The following VIPR2 variants were observed in gnomAD, a reference collection of about 807,000 sequenced individuals.
VIPR2 encodes vasoactive intestinal polypeptide receptor 2.
VIPR2 carries 48 observed loss-of-function variants against 58.0 expected under a neutral mutation model. The ratio of observed to expected loss-of-function variants is 0.83; its 90% CI spans 0.66 to 1.05. The LOEUF is 1.05. VIPR2 is among the 50% of genes least tolerant of loss of function. The pLI is 0.00. For missense variants in VIPR2, 534 were observed against 558.0 expected (o/e 0.96, Z 0.43); for synonymous variants, 243 against 235.2 (o/e 1.03, Z -0.30).
At chr7:159,071,191 GCA>G (rs1856370293) in intron 4 of VIPR2, among the ~76,000 whole-genome samples, 1 of 152,194 alleles carries the variant, frequency 6.6e-6, no homozygotes, top group African/African-American at 2.4e-5. Context: ...GAGGAACTGT[GCA>G]CACTTTTCCA....
In VIPR2 at chr7:159,029,750, G is replaced by C. The variant is rs534957239; in HGVS notation, c.*866C>G. 1 of 152,498 alleles carries C rather than the reference G, an allele frequency of 6.6e-6. No individual in the cohort carries two copies. The highest frequency in any genetic ancestry group is 2.1e-4 in the South Asian group (1 of 4,834). 9.4% of individuals were successfully genotyped at this position (152,498 alleles called of 1,614,324 possible). ...CCCTCCTTCATGACCTTGCTCTCCT[G>C]ATCTGGTTGTCTCCTCAGCCCGCCT... On this transcript the variant is annotated 3_prime_UTR_variant, in exon 13 of 13. Coordinates refer to ENST00000262178, the MANE Select transcript of VIPR2 (RefSeq NM_003382.5).
chr7:159,078,399 C>T (rs956230336), intron 4 of VIPR2, among the ~76,000 whole-genome samples: 1 of 152,128 alleles, frequency 6.6e-6, no homozygotes, highest in Non-Finnish European at 1.5e-5. Flanking sequence ...GAGACATCCC[C>T]ATGTTTATCT....
At chr7:159,086,317 C>T (rs1358676714) in intron 4 of VIPR2, among the ~76,000 whole-genome samples, 5 of 152,162 alleles carry the variant, frequency 3.3e-5, no homozygotes, top group Admixed American at 3.3e-4. Flanking sequence ...TTGTTTTGCC[C>T]ATGGAGTCCT....
intron 5 of VIPR2, among the ~76,000 whole-genome samples, chr7:159,045,509 A>G (rs569706670): frequency 3.3e-5 from 5 of 152,348 alleles, no homozygotes; most frequent in African/African-American, 1.2e-4. Context: ...TGGTGCTGTG[A>G]CAACTAGATG....
intron 3 of VIPR2, among the ~76,000 whole-genome samples, chr7:159,104,772 C>T (rs1858546959): frequency 6.6e-6 from 1 of 151,412 alleles, no homozygotes; most frequent in African/African-American, 2.4e-5. Flanking sequence ...TCCTCCCAGC[C>T]AGCACCCTTG....
At chr7:159,118,311 G>C (rs1236415530) in intron 2 of VIPR2, among the ~76,000 whole-genome samples, 3 of 152,200 alleles carry the variant, frequency 2.0e-5, no homozygotes, top group Non-Finnish European at 2.9e-5. Context: ...AGACCTGCAG[G>C]AGGAATTCCG....
intron 4 of VIPR2, among the ~76,000 whole-genome samples, chr7:159,068,653 T>C (rs1364727193): frequency 6.6e-6 from 1 of 152,226 alleles, no homozygotes; most frequent in East Asian, 1.9e-4. Context: ...TGTTGGCTGC[T>C]GTGACGTTTG....
In VIPR2 at chr7:159,107,519, C is replaced by T. The variant is rs181816453; in HGVS notation, c.259+2293G>A. ...GGAAATGTCTGAAGCACCTAATCCT[C>T]ACAGCTTTCCCCAAGCAGCAGTGGT... On this transcript the variant is annotated intron_variant, in intron 3 of 12. Coordinates refer to ENST00000262178, the MANE Select transcript of VIPR2 (RefSeq NM_003382.5). Among the ~76,000 whole-genome samples the T allele has an allele frequency of 2.3e-4, 35 of 152,332 alleles. No homozygotes were observed. The East Asian group carries it at 6.2e-3, about 27-fold the overall frequency.
chr7:159,106,756 T>G (rs1407134958), intron 3 of VIPR2, among the ~76,000 whole-genome samples: 46 of 29,286 alleles, frequency 1.6e-3, no homozygotes, highest in African/African-American at 2.7e-3. Flanking sequence ...AGAGAGAGGC[T>G]GGGTAGGGGC....
At chr7:159,136,778 G>A (rs909599222) in intron 2 of VIPR2, among the ~76,000 whole-genome samples, 3 of 152,158 alleles carry the variant, frequency 2.0e-5, no homozygotes, top group African/African-American at 7.2e-5. Flanking sequence ...AATGTGAAAT[G>A]GGTATATAAA....
rs190320045 is a variant in VIPR2 at position 159,050,262 on chromosome 7, G to A, written c.456-7086C>T. Reference sequence around the variant, plus strand: ...TGAGGCAGGAGGATCGCTTGAACCCGGGAGGCAGAGGTTGCAGTAAGCGGA... The same window carrying A: ...TGAGGCAGGAGGATCGCTTGAACCCAGGAGGCAGAGGTTGCAGTAAGCGGA... On this transcript the variant is annotated intron_variant, in intron 5 of 12. Coordinates refer to ENST00000262178, the MANE Select transcript of VIPR2 (RefSeq NM_003382.5). Among the ~76,000 whole-genome samples the A allele has an allele frequency of 1.5e-3, 234 of 151,700 alleles. 4 individuals carry two copies. The highest frequency in any genetic ancestry group is 2.0e-3 in the Admixed American group (30 of 15,240).
At chr7:159,055,534 G>A (rs142315178) in intron 5 of VIPR2, among the ~76,000 whole-genome samples, 7 of 152,080 alleles carry the variant, frequency 4.6e-5, no homozygotes, top group Admixed American at 2.0e-4. Flanking sequence ...TGGCCACTGC[G>A]CCAGGCTCAC....
intron 2 of VIPR2, among the ~76,000 whole-genome samples, chr7:159,134,903 T>C (rs1199423788): frequency 1.3e-5 from 2 of 151,502 alleles, no homozygotes; most frequent in African/African-American, 4.8e-5. Flanking sequence ...ATGATCTGCC[T>C]GCCTCAGCCT....
intron 2 of VIPR2, among the ~76,000 whole-genome samples, chr7:159,132,924 C>T (rs2974951): frequency 0.056 from 1,368 of 24,498 alleles, 35 homozygotes; most frequent in African/African-American, 0.097. Context: ...AGATTGATTT[C>T]AGACAGAATG....
intron 4 of VIPR2, among the ~76,000 whole-genome samples, chr7:159,063,777 A>T (rs13312209): frequency 0.01 from 154 of 14,976 alleles, no homozygotes; most frequent in Middle Eastern, 0.056. Context: ...CTGGGAGTCC[A>T]GGTGGGGTCT....
At chr7:159,075,234 AG>A (rs1234009134) in intron 4 of VIPR2, among the ~76,000 whole-genome samples, 2 of 152,194 alleles carry the variant, frequency 1.3e-5, no homozygotes, top group Non-Finnish European at 2.9e-5. Context: ...CAAAATCTAC[AG>A]ATGTCCATTT....
At chr7:159,048,799 G>A (rs1020497290) in intron 5 of VIPR2, among the ~76,000 whole-genome samples, 1 of 151,910 alleles carries the variant, frequency 6.6e-6, no homozygotes, top group East Asian at 1.9e-4. Context: ...GCTCCTCTTT[G>A]GGCTGGCACC....
At chr7:159,132,739 A>G (rs1202914729) in intron 2 of VIPR2, among the ~76,000 whole-genome samples, 1 of 152,182 alleles carries the variant, frequency 6.6e-6, no homozygotes, top group Non-Finnish European at 1.5e-5. Context: ...ACCACGCAAT[A>G]TATTTTTTGA....
At chr7:159,142,032 C>A (rs1303006604) in intron 2 of VIPR2, among the ~76,000 whole-genome samples, 1 of 152,226 alleles carries the variant, frequency 6.6e-6, no homozygotes, top group African/African-American at 2.4e-5. Flanking sequence ...TTCCTGTTTG[C>A]TTTCTGCCAA....
Sources: allele counts gnomAD v4.1 joint callset (sites outside exome capture counted in the v4.1 genomes callset), GRCh38; gene constraint gnomAD v4.1.1; transcripts MANE v1.5; gene names NCBI Gene and HGNC (gene_info 2026-07-23, HGNC 2026-07-21).